The following NCKAP5 variants were observed in gnomAD, a reference collection of about 807,000 sequenced individuals.
The protein encoded by NCKAP5 is nck-associated protein 5.
A neutral mutation model predicts 167.0 loss-of-function variants in NCKAP5; 92 were observed. The observed-to-expected ratio is 0.55, with a 90% CI of 0.47 to 0.66. NCKAP5 has a LOEUF of 0.66. Ranked by LOEUF, NCKAP5 falls within the 30% of genes least tolerant of loss-of-function variation. The pLI, the probability that NCKAP5 is intolerant of heterozygous loss-of-function variation, is 0.00. For missense variants in NCKAP5, 2,378 were observed against 2,315.0 expected, an observed-to-expected ratio of 1.03 and a Z score of -0.56; for synonymous variants, 891 against 877.4, an observed-to-expected ratio of 1.02 and a Z score of -0.27.
intron 5 of NCKAP5, among the ~76,000 whole-genome samples, chr2:133,205,560 A>G (rs2085910835): frequency 6.6e-6 from 1 of 152,134 alleles, no homozygotes; most frequent in Non-Finnish European, 1.5e-5. Context: ...GGGACACCAT[A>G]TCCTTCCATT....
chr2:132,743,550 C>G (rs1218137969), intron 16 of NCKAP5, among the ~76,000 whole-genome samples: 1 of 150,968 alleles, frequency 6.6e-6, no homozygotes, highest in Non-Finnish European at 1.5e-5. Flanking sequence ...AGAGGTATAG[C>G]TAATAAGTTA....
intron 7 of NCKAP5, among the ~76,000 whole-genome samples, chr2:132,965,910 G>C (rs1490375360): frequency 2.0e-5 from 3 of 146,948 alleles, no homozygotes; most frequent in Non-Finnish European, 4.5e-5. Flanking sequence ...CTCTTTGTGT[G>C]TGTGTGTGTG....
chr2:132,801,186 G>A (rs1386285179), intron 11 of NCKAP5, among the ~76,000 whole-genome samples: 1 of 152,112 alleles, frequency 6.6e-6, no homozygotes, highest in Non-Finnish European at 1.5e-5. Flanking sequence ...AAGCCAACCA[G>A]GTATAAGGAG....
At chr2:133,598,388 A>T in the NCKAP5 span, among the ~76,000 whole-genome samples, 2 of 152,268 alleles carry the variant, frequency 1.3e-5, no homozygotes, top group East Asian at 3.9e-4. Flanking sequence ...TTGTCTCCAA[A>T]ATCCTGTATG....
At chr2:133,233,335 T>C (rs1189572529) in intron 4 of NCKAP5, among the ~76,000 whole-genome samples, 1 of 152,194 alleles carries the variant, frequency 6.6e-6, no homozygotes, top group African/African-American at 2.4e-5. Context: ...ACCTTACCAA[T>C]ACCCATTTTA....
chr2:133,567,701 T>TGTGTG (rs879405003), intron 1 of NCKAP5, among the ~76,000 whole-genome samples: 1,436 of 68,684 alleles, frequency 0.021, 9 homozygotes, highest in Non-Finnish European at 0.029. Context: ...GTGTGTGTGT[T>TGTGTG]TGGGGAGAGA....
chr2:133,304,600 A>G (rs545610072), intron 3 of NCKAP5, among the ~76,000 whole-genome samples: 130 of 152,368 alleles, frequency 8.5e-4, no homozygotes, highest in African/African-American at 3.0e-3. Flanking sequence ...AACACTTGAC[A>G]CTATCAAATA....
chr2:133,547,183 G>A (rs936121419), intron 2 of NCKAP5, among the ~76,000 whole-genome samples: 4 of 152,182 alleles, frequency 2.6e-5, no homozygotes, highest in Admixed American at 6.5e-5. Flanking sequence ...CTTAAAAAAC[G>A]GCGCGCCACG....
intron 1 of NCKAP5, among the ~76,000 whole-genome samples, chr2:133,562,543 C>G (rs999251714): frequency 3.3e-5 from 5 of 152,186 alleles, no homozygotes; most frequent in Non-Finnish European, 7.3e-5. Context: ...GACAGTAACA[C>G]TTGTTCCCAC....
intron 5 of NCKAP5, among the ~76,000 whole-genome samples, chr2:133,169,111 AT>A (rs1396483549): frequency 6.6e-6 from 1 of 152,252 alleles, no homozygotes; most frequent in Non-Finnish European, 1.5e-5. Context: ...GTAGCAGTGA[AT>A]GTATAAAATA....
At chr2:133,617,004 A>T in the NCKAP5 span, among the ~76,000 whole-genome samples, 2 of 152,246 alleles carry the variant, frequency 1.3e-5, no homozygotes, top group South Asian at 4.1e-4. Context: ...CAATATACGG[A>T]AATCAATAAA....
chr2:132,889,082 A>T (rs1458099238), intron 8 of NCKAP5, among the ~76,000 whole-genome samples: 9 of 152,166 alleles, frequency 5.9e-5, no homozygotes, highest in Admixed American at 5.9e-4. Context: ...AGCCCCAGCT[A>T]TGCAGACAGG....
intron 6 of NCKAP5, among the ~76,000 whole-genome samples, chr2:133,108,297 A>G (rs1256454139): frequency 6.6e-6 from 1 of 152,202 alleles, no homozygotes; most frequent in African/African-American, 2.4e-5. Context: ...GAGAAATGCT[A>G]GAGGACAGTA....
At chr2:133,379,064 T>C (rs1686345829) in intron 3 of NCKAP5, among the ~76,000 whole-genome samples, 1 of 152,208 alleles carries the variant, frequency 6.6e-6, no homozygotes. Flanking sequence ...TCGTCAATAA[T>C]GGTAGTCTTT....
At chr2:132,736,302 T>C (rs1282998951) in intron 16 of NCKAP5, among the ~76,000 whole-genome samples, 1 of 152,200 alleles carries the variant, frequency 6.6e-6, no homozygotes, top group Non-Finnish European at 1.5e-5. Context: ...ATTAGTTTCT[T>C]GCAGTTCATA....
Position 133,308,790 on chromosome 2 carries a change from GCT to G in NCKAP5, c.70-5682_70-5681del, listed in dbSNP as rs1273724638. Among the ~76,000 whole-genome samples, 20 of 129,106 alleles carry G rather than the reference GCT, an allele frequency of 1.5e-4. No homozygotes were observed. In the South Asian group the frequency reaches 1.6e-3, roughly 10 times the overall value. 84.7% of individuals were successfully genotyped at this position (129,106 alleles called of 152,430 possible). On this transcript the variant is annotated intron_variant, in intron 3 of 19. Coordinates refer to ENST00000409261, the MANE Select transcript of NCKAP5 (RefSeq NM_207363.3). The stretch of plus-strand genomic sequence containing the variant: ...GTGGCGCAATCTCGGCTCACTGCAA[GCT>G]CTCTGCTTCCCGGGTTCACGCCATT...
chr2:133,135,265 C>T (rs1029095985), intron 5 of NCKAP5, among the ~76,000 whole-genome samples: 2 of 152,118 alleles, frequency 1.3e-5, no homozygotes, highest in Non-Finnish European at 2.9e-5. Context: ...TGCTACCAGG[C>T]GAAGAGAGGG....
chr2:132,814,247 T>G (rs1265634938), intron 11 of NCKAP5, among the ~76,000 whole-genome samples: 1 of 152,210 alleles, frequency 6.6e-6, no homozygotes, highest in Non-Finnish European at 1.5e-5. Context: ...TGTAGCTTTA[T>G]CCCCAAAGCA....
chr2:132,918,326 C>G (rs1695042305), intron 8 of NCKAP5, among the ~76,000 whole-genome samples: 1 of 152,088 alleles, frequency 6.6e-6, no homozygotes, highest in Non-Finnish European at 1.5e-5. Context: ...CAGAAGATAT[C>G]AGATATTTAA....
Sources: gnomAD v4.1 joint callset for allele counts (sites outside exome capture counted in the v4.1 genomes callset) on GRCh38, gnomAD v4.1.1 for gene constraint, MANE v1.5 for transcripts, NCBI Gene and HGNC (gene_info 2026-07-23, HGNC 2026-07-21) for gene names.